NAV1: variants seen among roughly 807,000 people sequenced by gnomAD.
The protein encoded by NAV1 is neuron navigator 1, also known as pore membrane and/or filament interacting like protein 3.
NAV1 carries 18 observed loss-of-function variants against 175.2 expected under a neutral mutation model. The observed-to-expected ratio is 0.10, with a 90% CI of 0.07 to 0.15. The LOEUF (loss-of-function observed/expected upper bound fraction) is 0.15. Ranked by LOEUF, NAV1 falls within the 10% of genes least tolerant of loss-of-function variation. The probability of loss-of-function intolerance (pLI) is 1.00; values close to 1 mark genes in which losing one functional copy is unlikely to be tolerated. For missense variants in NAV1, 1,731 were observed against 2,436.6 expected (o/e 0.71, Z 6.10); for synonymous variants, 897 against 978.7 (o/e 0.92, Z 1.56).
chr1:201,575,572 C>T (rs982940174), intron 1 of NAV1, among the ~76,000 whole-genome samples: 1 of 152,142 alleles, frequency 6.6e-6, no homozygotes, highest in African/African-American at 2.4e-5. Flanking sequence ...TGCCCTTAGG[C>T]TGCCCCCAGT....
rs1447489307 is a variant in NAV1 at position 201,740,978 on chromosome 1, C to G, written c.1226+22223C>G. ...TCTCACCCCATATACACTCTCCTTCCCCTCAGCCTCCCGCAGACCTGGGAA... is the reference window on the plus strand; with the variant it reads ...TCTCACCCCATATACACTCTCCTTCGCCTCAGCCTCCCGCAGACCTGGGAA... On this transcript the variant is annotated intron_variant, in intron 3 of 29. Transcript: ENST00000367296. This position sits in a 1 kb window ranked among gnomAD's most constrained non-coding sequence, Gnocchi z 4.7. 2.0e-5 allele frequency among the ~76,000 whole-genome samples: 3 copies of G among 152,086 alleles called. No homozygotes were observed.
intron 1 of NAV1, among the ~76,000 whole-genome samples, chr1:201,570,040 C>T (rs1666483845): frequency 1.3e-5 from 2 of 152,288 alleles, no homozygotes; most frequent in South Asian, 4.1e-4. Flanking sequence ...ATACCATTTT[C>T]ATTTTATTTA....
intron 2 of NAV1, among the ~76,000 whole-genome samples, chr1:201,629,727 G>C (rs1668433165): frequency 6.6e-6 from 1 of 152,194 alleles, no homozygotes; most frequent in African/African-American, 2.4e-5. Context: ...AAGTGGCCAG[G>C]GGATGCCCAG....
rs1558189024 is a variant in NAV1 at position 201,808,376 on chromosome 1, T to G, written c.3846-42T>G. On this transcript the variant is annotated intron_variant, in intron 18 of 29. Transcript: ENST00000367296. The surrounding 1 kb of genome is among the most constrained non-coding windows in gnomAD (Gnocchi z 5.5). ...TCTCAATATTCTCTAGTAACTCTAGTGCTTCTTCATGTAGCCTGGCTTGAC... is the reference window on the plus strand; with the variant it reads ...TCTCAATATTCTCTAGTAACTCTAGGGCTTCTTCATGTAGCCTGGCTTGAC... 3 of 1,574,398 alleles carry G rather than the reference T, an allele frequency of 1.9e-6. No homozygotes were observed. Among genetic ancestry groups the G allele is most frequent in the East Asian group, 4.5e-5 (2 of 44,558 alleles).
At chr1:201,625,784 A>C (rs1379386018) in intron 1 of NAV1, among the ~76,000 whole-genome samples, 3 of 152,220 alleles carry the variant, frequency 2.0e-5, no homozygotes, top group Non-Finnish European at 4.4e-5. Context: ...AAGATTTTAC[A>C]TTATCTACCT....
At position 201,808,275 on chromosome 1, in the gene NAV1, G is replaced by T; in HGVS notation, c.3845+126G>T. 1.4e-6 allele frequency: 2 copies of T among 1,392,934 alleles called. No homozygotes were observed. The highest frequency in any genetic ancestry group is 9.8e-7 in the Non-Finnish European group (1 of 1,019,206). 86.3% of individuals were successfully genotyped at this position (1,392,934 alleles called of 1,614,324 possible). ...TACTGACCTCTCCCTGGGCATATGA[G>T]ACCAACAGATGGACCTTTCTTCTCA... is the stretch of plus-strand genomic sequence containing the variant. On this transcript the variant is annotated intron_variant, in intron 18 of 29. Coordinates refer to ENST00000367296, the Ensembl canonical transcript of NAV1. The surrounding 1 kb of genome is among the most constrained non-coding windows in gnomAD (Gnocchi z 5.5).
At chr1:201,596,703 T>C (rs1667355507) in intron 2 of NAV1, among the ~76,000 whole-genome samples, 1 of 152,136 alleles carries the variant, frequency 6.6e-6, no homozygotes, top group South Asian at 2.1e-4. Flanking sequence ...CTGCACTAGG[T>C]GTGGGAGATA....
At chr1:201,765,278 C>A in intron 3 of NAV1, among the ~76,000 whole-genome samples, 2 of 149,880 alleles carry the variant, frequency 1.3e-5, no homozygotes, top group African/African-American at 4.9e-5. Context: ...AAGAAAAAGG[C>A]AATGGTGGAA....
At chr1:201,563,423 A>G (rs929980156) in intron 1 of NAV1, among the ~76,000 whole-genome samples, 4 of 151,824 alleles carry the variant, frequency 2.6e-5, no homozygotes, top group African/African-American at 9.7e-5. Flanking sequence ...AGAAAAGCAT[A>G]CGAGACCACA....
At chr1:201,594,917 A>T (rs1571837567) in intron 2 of NAV1, among the ~76,000 whole-genome samples, 1 of 152,322 alleles carries the variant, frequency 6.6e-6, no homozygotes, top group Non-Finnish European at 1.5e-5. Context: ...GAATATTTGA[A>T]CCTTCTCTAT....
upstream of NAV1, among the ~76,000 whole-genome samples, chr1:201,647,114 T>G (rs1669002646): frequency 6.6e-6 from 1 of 152,222 alleles, no homozygotes; most frequent in Admixed American, 6.5e-5. Context: ...TGGAGCAAGC[T>G]TTGCTTTCAG....
chr1:201,768,808 T>G (rs1349858633), intron 3 of NAV1, among the ~76,000 whole-genome samples: 1 of 152,158 alleles, frequency 6.6e-6, no homozygotes, highest in African/African-American at 2.4e-5. Flanking sequence ...TTTCACGTGG[T>G]TTAACATAAT....
intron 2 of NAV1, among the ~76,000 whole-genome samples, chr1:201,602,798 C>G (rs1667563135): frequency 6.6e-6 from 1 of 152,028 alleles, no homozygotes; most frequent in Admixed American, 6.6e-5. Flanking sequence ...CCAGCTACCC[C>G]TCAGCTCCTA....
At chr1:201,606,438 A>G (rs1667679503) in intron 2 of NAV1, among the ~76,000 whole-genome samples, 1 of 152,190 alleles carries the variant, frequency 6.6e-6, no homozygotes, top group South Asian at 2.1e-4. Flanking sequence ...TACTACTGCC[A>G]TGTGAACTGT....
chr1:201,721,323 G>C (rs1469474573), intron 3 of NAV1, among the ~76,000 whole-genome samples: 1 of 152,156 alleles, frequency 6.6e-6, no homozygotes, highest in East Asian at 1.9e-4. Context: ...TTCCCTGCTG[G>C]GACTGTAAAC....
At chr1:201,645,554 T>A (rs1300646817), upstream of NAV1, among the ~76,000 whole-genome samples, 1 of 151,800 alleles carries the variant, frequency 6.6e-6, no homozygotes, top group Non-Finnish European at 1.5e-5. Flanking sequence ...ATTATAATAA[T>A]AATAAAATAA....
chr1:201,760,315 A>G (rs1331525947), intron 3 of NAV1, among the ~76,000 whole-genome samples: 1 of 152,190 alleles, frequency 6.6e-6, no homozygotes, highest in Non-Finnish European at 1.5e-5. Context: ...AAAAATACAA[A>G]AATTAACCAG....
At chr1:201,705,248 G>T (rs556686272) in intron 1 of NAV1, among the ~76,000 whole-genome samples, 9 of 152,164 alleles carry the variant, frequency 5.9e-5, no homozygotes, top group Admixed American at 2.0e-4. Context: ...AATCAAAACC[G>T]TAGGTGATCT....
intron 3 of NAV1, among the ~76,000 whole-genome samples, chr1:201,775,911 G>C (rs1675909410): frequency 6.6e-6 from 1 of 151,876 alleles, no homozygotes. Context: ...TTTAAAGTTA[G>C]CTGGGCATGG....
Sources: gnomAD v4.1 joint callset for allele counts (sites outside exome capture counted in the v4.1 genomes callset) on GRCh38, gnomAD v4.1.1 for gene constraint, Gnocchi (gnomAD v3.1) non-coding constraint, MANE v1.5 for transcripts, NCBI Gene and HGNC (gene_info 2026-07-23, HGNC 2026-07-21) for gene names.